Variants in AGMO observed in about 807,000 individuals in gnomAD.
AGMO encodes the protein glyceryl-ether monooxygenase.
Under a neutral mutation model 60.2 loss-of-function variants are expected in AGMO, and 75 were observed. The observed-to-expected ratio is 1.25, with a 90% CI of 1.03 to 1.51. AGMO has a LOEUF of 1.51. Among genes scored for constraint, AGMO ranks in the 40% most tolerant of loss-of-function variants. The pLI, the probability that AGMO is intolerant of heterozygous loss-of-function variation, is 0.00. For synonymous variants in AGMO, 261 were observed against 177.1 expected (o/e 1.47, Z -3.76); for missense variants, 763 against 525.5 (o/e 1.45, Z -4.42).
chr7:15,268,799 A>G (rs1302581540), intron 12 of AGMO, among the ~76,000 whole-genome samples: 2 of 151,996 alleles, frequency 1.3e-5, no homozygotes, highest in African/African-American at 2.4e-5. Context: ...AGGCAGGTGG[A>G]CTAGACAATG....
intron 3 of AGMO, among the ~76,000 whole-genome samples, chr7:15,483,434 C>A (rs1255486720): frequency 6.6e-6 from 1 of 152,002 alleles, no homozygotes; most frequent in Non-Finnish European, 1.5e-5. Flanking sequence ...GGCGTGGTGG[C>A]GGGCGCCTGC....
intron 12 of AGMO, among the ~76,000 whole-genome samples, chr7:15,294,687 G>T (rs1026467133): frequency 1.3e-5 from 2 of 151,894 alleles, no homozygotes; most frequent in Admixed American, 1.3e-4. Flanking sequence ...TATTTATTTG[G>T]AAGATGAAAA....
intron 12 of AGMO, among the ~76,000 whole-genome samples, chr7:15,250,584 C>T (rs1018757542): frequency 4.7e-5 from 7 of 149,482 alleles, no homozygotes; most frequent in African/African-American, 1.0e-4. Flanking sequence ...CACACACACA[C>T]TCTGGTTTAT....
At chr7:15,448,498 T>C (rs889884969) in intron 3 of AGMO, among the ~76,000 whole-genome samples, 1 of 152,228 alleles carries the variant, frequency 6.6e-6, no homozygotes, top group African/African-American at 2.4e-5. Context: ...AATTTTGTTA[T>C]AGTAGTGCAA....
At chr7:15,440,371 G>A (rs1781520200) in intron 3 of AGMO, among the ~76,000 whole-genome samples, 1 of 152,062 alleles carries the variant, frequency 6.6e-6, no homozygotes, top group Non-Finnish European at 1.5e-5. Context: ...ACCAGAAAAG[G>A]GAAGAATGAA....
At chr7:15,480,804 T>G (rs1782727913) in intron 3 of AGMO, among the ~76,000 whole-genome samples, 1 of 152,088 alleles carries the variant, frequency 6.6e-6, no homozygotes, top group Admixed American at 6.6e-5. Flanking sequence ...TGACAATGAT[T>G]GGTTGAAGGC....
At chr7:15,156,847 A>G in the AGMO span, among the ~76,000 whole-genome samples, 1 of 152,238 alleles carries the variant, frequency 6.6e-6, no homozygotes, top group East Asian at 1.9e-4. Flanking sequence ...AGCTCCATCT[A>G]GTCAGCCATC....
chr7:15,292,285 C>G (rs1309793959), intron 12 of AGMO, among the ~76,000 whole-genome samples: 1 of 152,142 alleles, frequency 6.6e-6, no homozygotes. Context: ...ACAGCAGCAT[C>G]TCTGAAAGGG....
intron 6 of AGMO, among the ~76,000 whole-genome samples, chr7:15,392,289 G>A (rs893349242): frequency 6.8e-6 from 1 of 146,496 alleles, no homozygotes; most frequent in Non-Finnish European, 1.5e-5. Flanking sequence ...TAGCCAGGAT[G>A]GTGTCTTATC....
intron 12 of AGMO, among the ~76,000 whole-genome samples, chr7:15,261,218 A>G (rs1563059029): frequency 6.6e-6 from 1 of 152,084 alleles, no homozygotes; most frequent in East Asian, 1.9e-4. Flanking sequence ...TTAAACCAAA[A>G]GCTTGTTTTT....
At chr7:15,386,599 A>G (rs577043212) in intron 9 of AGMO, among the ~76,000 whole-genome samples, 3 of 152,214 alleles carry the variant, frequency 2.0e-5, no homozygotes, top group Non-Finnish European at 4.4e-5. Flanking sequence ...AGAAAATGTC[A>G]TTATTTAGAT....
chr7:15,310,782 C>T (rs1318109564), intron 12 of AGMO, among the ~76,000 whole-genome samples: 2 of 152,076 alleles, frequency 1.3e-5, no homozygotes, highest in Non-Finnish European at 2.9e-5. Context: ...TGAAATGGGC[C>T]TCACTGTTCG....
intron 12 of AGMO, among the ~76,000 whole-genome samples, chr7:15,346,841 G>T (rs1782051670): frequency 1.4e-5 from 2 of 142,854 alleles, no homozygotes; most frequent in Admixed American, 6.9e-5. Flanking sequence ...ATTAGAACTT[G>T]TTTAAATTAG....
At chr7:15,285,355 G>T (rs992742460) in intron 12 of AGMO, among the ~76,000 whole-genome samples, 1 of 151,750 alleles carries the variant, frequency 6.6e-6, no homozygotes, top group South Asian at 2.1e-4. Context: ...AAGACTACTA[G>T]ATTTGATAAA....
At chr7:15,262,184 A>C (rs188382704) in intron 12 of AGMO, among the ~76,000 whole-genome samples, 228 of 152,206 alleles carry the variant, frequency 1.5e-3, no homozygotes, top group Middle Eastern at 0.014. Context: ...GTAAAGAAGA[A>C]GTCAAACTGT....
chr7:15,192,831 CCT>C, the AGMO span, among the ~76,000 whole-genome samples: 3 of 152,158 alleles, frequency 2.0e-5, no homozygotes, highest in Non-Finnish European at 4.4e-5. Context: ...TAGCCACACC[CCT>C]GTCGTAAGTC....
In AGMO at chr7:15,461,027, T is replaced by C. The variant is rs1032460318; in HGVS notation, c.410-29919A>G. On this transcript the variant is annotated intron_variant, in intron 3 of 12. Coordinates refer to ENST00000342526, the MANE Select transcript of AGMO (RefSeq NM_001004320.2). ...GGCCTACTGTGTGACCTAGTTGTTG[T>C]TGAAGAAGACAGATGTATTTCCTGC... Among the ~76,000 whole-genome samples the C allele has an allele frequency of 3.9e-5, 6 of 152,172 alleles. No homozygotes were observed. In the South Asian group the frequency reaches 6.2e-4, roughly 16 times the overall value.
chr7:15,510,766 A>G (rs1783650149), intron 3 of AGMO, among the ~76,000 whole-genome samples: 1 of 149,848 alleles, frequency 6.7e-6, no homozygotes, highest in Admixed American at 6.7e-5. Context: ...CGTTATTGAC[A>G]GTTTCTTGGA....
At chr7:15,168,001 T>C in the AGMO span, among the ~76,000 whole-genome samples, 1 of 152,204 alleles carries the variant, frequency 6.6e-6, no homozygotes, top group African/African-American at 2.4e-5. Context: ...AAGCTGGTCC[T>C]AGCAATGGTG....
Sources: gnomAD v4.1 joint callset for allele counts (sites outside exome capture counted in the v4.1 genomes callset) on GRCh38, gnomAD v4.1.1 for gene constraint, MANE v1.5 for transcripts, NCBI Gene and HGNC (gene_info 2026-07-23, HGNC 2026-07-21) for gene names.